CDH13: variants seen among roughly 807,000 people sequenced by gnomAD.
CDH13 encodes cadherin 13.
A neutral mutation model predicts 63.8 loss-of-function variants in CDH13; 24 were observed. The ratio of observed to expected loss-of-function variants is 0.38; its 90% CI spans 0.27 to 0.53. The LOEUF is 0.53. Ranked by LOEUF, CDH13 falls within the 20% of genes least tolerant of loss-of-function variation. CDH13 has a pLI of 0.85. For missense variants in CDH13, 1,049 were observed against 903.1 expected, an observed-to-expected ratio of 1.16 and a Z score of -2.07; for synonymous variants, 503 against 355.3, an observed-to-expected ratio of 1.42 and a Z score of -4.67.
intron 6 of CDH13, among the ~76,000 whole-genome samples, chr16:83,405,269 CT>C (rs1265846872): frequency 1.3e-5 from 2 of 152,206 alleles, no homozygotes; most frequent in African/African-American, 4.8e-5. Context: ...CCCCATCCCC[CT>C]GGAAGATGTG....
intron 6 of CDH13, among the ~76,000 whole-genome samples, chr16:83,446,117 A>G (rs532793314): frequency 1.3e-5 from 2 of 152,164 alleles, no homozygotes; most frequent in African/African-American, 4.8e-5. Flanking sequence ...AGCATGGCCA[A>G]CGTGGTGAAA....
At chr16:83,438,019 C>T (rs1245245601) in intron 6 of CDH13, among the ~76,000 whole-genome samples, 1 of 152,160 alleles carries the variant, frequency 6.6e-6, no homozygotes, top group African/African-American at 2.4e-5. Context: ...CAGCCACCCA[C>T]CCCTCACCGG....
intron 5 of CDH13, among the ~76,000 whole-genome samples, chr16:83,298,059 A>G (rs534122350): frequency 6.6e-6 from 1 of 151,072 alleles, no homozygotes; most frequent in South Asian, 2.1e-4. Flanking sequence ...AAAAAAAAAA[A>G]AAAAGAAAAA....
intron 8 of CDH13, among the ~76,000 whole-genome samples, chr16:83,624,072 G>T (rs1910053645): frequency 6.6e-6 from 1 of 152,180 alleles, no homozygotes; most frequent in Non-Finnish European, 1.5e-5. Flanking sequence ...TAAGCCCTCA[G>T]ACAATGTGGA....
chr16:83,337,549 G>C (rs540547688), intron 5 of CDH13, among the ~76,000 whole-genome samples: 53 of 151,100 alleles, frequency 3.5e-4, no homozygotes, highest in African/African-American at 1.2e-3. Context: ...ACAAATTAGA[G>C]GTGATTTGCA....
intron 1 of CDH13, among the ~76,000 whole-genome samples, chr16:82,792,182 G>C (rs993981407): frequency 6.6e-5 from 10 of 152,110 alleles, no homozygotes. Context: ...CACAATTCCA[G>C]ATAAGAGATG....
intron 3 of CDH13, among the ~76,000 whole-genome samples, chr16:83,111,567 G>C (rs745714061): frequency 2.0e-5 from 3 of 152,334 alleles, no homozygotes; most frequent in Middle Eastern, 6.8e-3. Context: ...ATCATGGTAT[G>C]CTAGGACAAT....
chr16:83,565,383 CTT>C (rs369127310), intron 7 of CDH13, among the ~76,000 whole-genome samples: 1 of 130,612 alleles, frequency 7.7e-6, no homozygotes, highest in African/African-American at 2.9e-5. Flanking sequence ...TTCCACTGTT[CTT>C]TTTTTTTTTT....
rs73596217 is a variant in CDH13, at chr16:83,034,953, G to A, written c.366+2735G>A. Among the ~76,000 whole-genome samples the A allele has an allele frequency of 5.4e-3, 820 of 152,208 alleles. 9 individuals carry two copies. The highest frequency in any genetic ancestry group is 0.015 in the African/African-American group (612 of 41,530). ...TGTTTTTGCTTCTTATAAAGGGGGCGGAGGCTGCCGTGTCCTTCAGTTTGC... is the reference window on the plus strand; with the variant it reads ...TGTTTTTGCTTCTTATAAAGGGGGCAGAGGCTGCCGTGTCCTTCAGTTTGC... On this transcript the variant is annotated intron_variant, in intron 3 of 13. Coordinates refer to ENST00000567109, the MANE Select transcript of CDH13 (RefSeq NM_001257.5).
intron 7 of CDH13, among the ~76,000 whole-genome samples, chr16:83,596,189 G>T (rs550634107): frequency 6.6e-6 from 1 of 152,338 alleles, no homozygotes; most frequent in South Asian, 2.1e-4. Flanking sequence ...CTCACCTAGT[G>T]ACAGGGCAGC....
intron 3 of CDH13, among the ~76,000 whole-genome samples, chr16:83,052,402 C>A (rs2030438732): frequency 6.6e-6 from 1 of 152,092 alleles, no homozygotes; most frequent in Non-Finnish European, 1.5e-5. Flanking sequence ...GGCAGAAAAC[C>A]ACAATCATGT....
intron 1 of CDH13, among the ~76,000 whole-genome samples, chr16:82,721,405 G>A (rs1045570416): frequency 3.3e-5 from 5 of 152,098 alleles, no homozygotes; most frequent in Non-Finnish European, 7.4e-5. Flanking sequence ...TGAGGGACAC[G>A]GAGGTTCAGA....
At chr16:83,307,940 T>C (rs1219107453) in intron 5 of CDH13, among the ~76,000 whole-genome samples, 1 of 152,204 alleles carries the variant, frequency 6.6e-6, no homozygotes, top group Non-Finnish European at 1.5e-5. Context: ...ATTCAAAATA[T>C]GTATTTTTTA....
At chr16:83,065,589 C>T (rs2031939891) in intron 3 of CDH13, among the ~76,000 whole-genome samples, 1 of 151,960 alleles carries the variant, frequency 6.6e-6, no homozygotes, top group African/African-American at 2.4e-5. Flanking sequence ...CCTGTAATTC[C>T]AGCTAGTCGG....
intron 2 of CDH13, among the ~76,000 whole-genome samples, chr16:82,919,217 G>T (rs78821562): frequency 0.028 from 4,307 of 152,096 alleles, 195 homozygotes; most frequent in African/African-American, 0.098. Flanking sequence ...TTTTTAAACT[G>T]TTATTTTAGA....
intron 2 of CDH13, among the ~76,000 whole-genome samples, chr16:82,974,303 C>T (rs955643398): frequency 3.3e-5 from 5 of 152,170 alleles, no homozygotes; most frequent in Admixed American, 6.5e-5. Context: ...TTTCCATTCA[C>T]TGTGTGTCCT....
At chr16:83,284,271 T>G (rs888200565) in intron 5 of CDH13, among the ~76,000 whole-genome samples, 1 of 152,182 alleles carries the variant, frequency 6.6e-6, no homozygotes, top group African/African-American at 2.4e-5. Flanking sequence ...AGAATCTGAG[T>G]AGTCAAAGCA....
At chr16:83,111,517 C>A (rs2035058325) in intron 3 of CDH13, among the ~76,000 whole-genome samples, 1 of 152,218 alleles carries the variant, frequency 6.6e-6, no homozygotes, top group Middle Eastern at 3.2e-3. Flanking sequence ...TTGCAGCATA[C>A]ATCACATGGG....
intron 10 of CDH13, among the ~76,000 whole-genome samples, chr16:83,707,158 C>T (rs936008479): frequency 4.1e-4 from 62 of 152,176 alleles, no homozygotes; most frequent in African/African-American, 1.4e-3. Flanking sequence ...TGCATGTTCA[C>T]GCTCCAGAAC....
Sources: allele counts gnomAD v4.1 joint callset (sites outside exome capture counted in the v4.1 genomes callset), GRCh38; gene constraint gnomAD v4.1.1; transcripts MANE v1.5; gene names NCBI Gene and HGNC (gene_info 2026-07-23, HGNC 2026-07-21).